The following ZMIZ1 variants were observed in gnomAD, a reference collection of about 807,000 sequenced individuals.
The protein encoded by ZMIZ1 is zinc finger MIZ-type containing 1, also known as zinc finger MIZ domain-containing protein 1.
Under a neutral mutation model 113.9 loss-of-function variants are expected in ZMIZ1, and 17 were observed. The ratio of observed to expected loss-of-function variants is 0.15; its 90% CI spans 0.10 to 0.22. The LOEUF is 0.22. ZMIZ1 is among the 10% of genes least tolerant of loss of function. The probability of loss-of-function intolerance (pLI) is 1.00; values close to 1 mark genes in which losing one functional copy is unlikely to be tolerated. For missense variants in ZMIZ1, 1,059 were observed against 1,477.8 expected (o/e 0.72, Z 4.65); for synonymous variants, 607 against 603.1 (o/e 1.01, Z -0.09).
At position 79,296,994 on chromosome 10, in the gene ZMIZ1, G is replaced by A. The variant is rs1853943411; in HGVS notation, c.1413+341G>A. 1 of 218,632 alleles carries A rather than the reference G, an allele frequency of 4.6e-6. No homozygotes were observed. The highest frequency in any genetic ancestry group is 8.9e-6 in the Non-Finnish European group (1 of 112,522). The allele number at this position is 218,632 out of a possible 1,614,324, so 13.5% of individuals were successfully genotyped here. A position where few individuals can be genotyped will look rare whatever the true frequency, so the allele number is the denominator to read the frequency against. On this transcript the variant is annotated intron_variant, in intron 13 of 24. Coordinates refer to ENST00000334512, the MANE Select transcript of ZMIZ1 (RefSeq NM_020338.4). This position sits in a 1 kb window ranked among gnomAD's most constrained non-coding sequence, Gnocchi z 4.1. Reference sequence around the variant, plus strand: ...TTCATTCTAAACTTTGTATGTGCAGGTGGGCACTAACATGTTATAAAATTG... The same window carrying A: ...TTCATTCTAAACTTTGTATGTGCAGATGGGCACTAACATGTTATAAAATTG...
chr10:79,235,918 T>A (rs1264645911), intron 7 of ZMIZ1, among the ~76,000 whole-genome samples: 2 of 152,220 alleles, frequency 1.3e-5, no homozygotes, highest in East Asian at 3.8e-4. Flanking sequence ...GGGGTTCTAG[T>A]CCTGGCTCTA....
intron 1 of ZMIZ1, among the ~76,000 whole-genome samples, chr10:79,114,299 A>C (rs1392500969): frequency 6.6e-6 from 1 of 152,208 alleles, no homozygotes; most frequent in Non-Finnish European, 1.5e-5. Context: ...GTATGTTTTT[A>C]AGAAATAGCA....
At chr10:79,138,554 G>A (rs1043722736) in intron 2 of ZMIZ1, among the ~76,000 whole-genome samples, 2 of 152,186 alleles carry the variant, frequency 1.3e-5, no homozygotes, top group African/African-American at 4.8e-5. Context: ...CCCAGTGCTA[G>A]AAAGAGAGAC....
At chr10:79,080,719 G>C (rs980767987) in intron 1 of ZMIZ1, among the ~76,000 whole-genome samples, 1 of 152,096 alleles carries the variant, frequency 6.6e-6, no homozygotes, top group African/African-American at 2.4e-5. Context: ...CACCTGGCCT[G>C]GGTTGACATC....
At chr10:79,292,534 G>A (rs759342954) in intron 11 of ZMIZ1, among the ~76,000 whole-genome samples, 178 bp downstream of exon 11, 45 of 152,258 alleles carry the variant, frequency 3.0e-4, no homozygotes, top group Non-Finnish European at 5.3e-4. Context: ...TTAGAATGGC[G>A]CATGTCTAGA....
At chr10:79,132,788 G>A (rs1383401414) in intron 2 of ZMIZ1, among the ~76,000 whole-genome samples, 1 of 152,222 alleles carries the variant, frequency 6.6e-6, no homozygotes, top group Middle Eastern at 3.4e-3. Context: ...CAGGGCCAGG[G>A]ACTGTGTTCT....
chr10:79,271,829 AG>A (rs1257449712), intron 7 of ZMIZ1, among the ~76,000 whole-genome samples: 1 of 152,144 alleles, frequency 6.6e-6, no homozygotes, highest in Non-Finnish European at 1.5e-5. Flanking sequence ...TGCTGGGCAG[AG>A]GGGGCTTACG....
At chr10:79,259,953 C>A (rs545125429) in intron 7 of ZMIZ1, among the ~76,000 whole-genome samples, 48 of 152,294 alleles carry the variant, frequency 3.2e-4, no homozygotes, top group African/African-American at 1.1e-3. Flanking sequence ...TTTTGCTCCC[C>A]CTCTCTCCAC....
chr10:79,171,298 C>T (rs972830625), intron 4 of ZMIZ1, among the ~76,000 whole-genome samples: 1 of 152,248 alleles, frequency 6.6e-6, no homozygotes, highest in Non-Finnish European at 1.5e-5. Flanking sequence ...GGCCTTCACT[C>T]CACCGGGGAT....
chr10:79,159,411 C>T (rs985640678), intron 3 of ZMIZ1, among the ~76,000 whole-genome samples: 77 of 152,210 alleles, frequency 5.1e-4, no homozygotes, highest in African/African-American at 1.8e-3. Context: ...GGGTGCCCGG[C>T]GCCGTCTGGC....
chr10:79,235,770 A>G (rs937993462), intron 7 of ZMIZ1, among the ~76,000 whole-genome samples: 1 of 152,250 alleles, frequency 6.6e-6, no homozygotes, highest in Non-Finnish European at 1.5e-5. Context: ...AAAAGAGGCA[A>G]CTGATGGGCA....
intron 1 of ZMIZ1, among the ~76,000 whole-genome samples, chr10:79,070,882 T>TC (rs1337097656): frequency 7.3e-6 from 1 of 136,554 alleles, no homozygotes; most frequent in Non-Finnish European, 1.6e-5. Flanking sequence ...CCGCGCGCTC[T>TC]CCCCCTTCTC....
intron 2 of ZMIZ1, among the ~76,000 whole-genome samples, chr10:79,131,704 T>G (rs1305285298): frequency 6.6e-6 from 1 of 152,072 alleles, no homozygotes; most frequent in Non-Finnish European, 1.5e-5. Context: ...CCCCACACTC[T>G]GCTGCCCCCT....
In ZMIZ1 at chr10:79,308,879, A is replaced by G. The variant is rs565406422; in HGVS notation, c.2835+1308A>G. On this transcript the variant is annotated intron_variant, in intron 23 of 24. Coordinates refer to ENST00000334512, the MANE Select transcript of ZMIZ1 (RefSeq NM_020338.4). Reference sequence around the variant, plus strand: ...TGCCGTCTATTTCCCCTTGACAATCAAGCTTTCTCCTGCCTTCTGTGAGCC... The same window carrying G: ...TGCCGTCTATTTCCCCTTGACAATCGAGCTTTCTCCTGCCTTCTGTGAGCC... Among the ~76,000 whole-genome samples the G allele has an allele frequency of 9.2e-5, 14 of 152,130 alleles. No individual in the cohort carries two copies. In the East Asian group the frequency reaches 2.7e-3, roughly 29 times the overall value.
At chr10:79,160,078 A>G (rs1846048962) in intron 3 of ZMIZ1, among the ~76,000 whole-genome samples, 1 of 152,218 alleles carries the variant, frequency 6.6e-6, no homozygotes, top group South Asian at 2.1e-4. Context: ...CCTTTGGGAA[A>G]GGCCTAGCTG....
chr10:79,076,701 G>A (rs1336903711), intron 1 of ZMIZ1, among the ~76,000 whole-genome samples: 1 of 152,178 alleles, frequency 6.6e-6, no homozygotes, highest in Admixed American at 6.5e-5. Context: ...CGGCATGATG[G>A]TGGTGCACGC....
intron 3 of ZMIZ1, among the ~76,000 whole-genome samples, chr10:79,156,375 G>A (rs1345113025): frequency 6.6e-6 from 1 of 152,104 alleles, no homozygotes; most frequent in African/African-American, 2.4e-5. Context: ...CCCACACATG[G>A]AGGCGTCCTG....
At chr10:79,072,454 G>A (rs1262826588) in intron 1 of ZMIZ1, among the ~76,000 whole-genome samples, 1 of 152,190 alleles carries the variant, frequency 6.6e-6, no homozygotes, top group Non-Finnish European at 1.5e-5. Flanking sequence ...TCCTGATGGC[G>A]GGAGGGGTGA....
Position 79,088,482 on chromosome 10 carries a change from G to A in ZMIZ1, c.-337+19212G>A, listed in dbSNP as rs184226476. On this transcript the variant is annotated intron_variant, in intron 1 of 24. Transcript: ENST00000334512. ...TGGGTGTTCAGGCCTGCCTAGGCAC[G>A]GCCCTGGGTTCTTTCGGTTAAAGGT... Among the ~76,000 whole-genome samples, 494 of 152,330 alleles carry A rather than the reference G, an allele frequency of 3.2e-3. 1 individual carries two copies. Among genetic ancestry groups the A allele is most frequent in the Non-Finnish European group, 5.1e-3 (344 of 68,008 alleles).
Sources: allele counts gnomAD v4.1 joint callset (sites outside exome capture counted in the v4.1 genomes callset), GRCh38; gene constraint gnomAD v4.1.1; non-coding constraint Gnocchi (gnomAD v3.1); transcripts MANE v1.5; gene names NCBI Gene and HGNC (gene_info 2026-07-23, HGNC 2026-07-21).